LRRIQ3: variants seen among roughly 807,000 people sequenced by gnomAD.
LRRIQ3 encodes leucine rich repeats and IQ motif containing 3.
In LRRIQ3, 75 loss-of-function variants were observed where a neutral mutation model predicts 59.3. That is an observed-to-expected ratio of 1.26 (90% CI 1.05 to 1.53). LRRIQ3 has a LOEUF of 1.53. Among genes scored for constraint, LRRIQ3 ranks in the 40% most tolerant of loss-of-function variants. LRRIQ3 has a pLI of 0.00. For synonymous variants in LRRIQ3, 250 were observed against 231.3 expected (o/e 1.08, Z -0.73); for missense variants, 831 against 710.0 (o/e 1.17, Z -1.94).
intron 4 of LRRIQ3, among the ~76,000 whole-genome samples, chr1:74,120,056 T>G (rs527649124): frequency 6.6e-6 from 1 of 152,146 alleles, no homozygotes; most frequent in East Asian, 1.9e-4. Flanking sequence ...TATTTATATA[T>G]GTTCAGGTTT....
intron 4 of LRRIQ3, among the ~76,000 whole-genome samples, chr1:74,110,414 AC>A (rs1646679025): frequency 6.6e-6 from 1 of 152,046 alleles, no homozygotes; most frequent in African/African-American, 2.4e-5. Context: ...CACTACGTCA[AC>A]AAATTAGTGG....
intron 5 of LRRIQ3, among the ~76,000 whole-genome samples, chr1:74,090,336 T>A (rs577621267): frequency 4.3e-4 from 65 of 151,554 alleles, no homozygotes; most frequent in Non-Finnish European, 8.0e-4. Context: ...GTTTTTTTTT[T>A]AAAACTGAAG....
chr1:74,082,210 A>G (rs1272114780), intron 5 of LRRIQ3: 4 of 151,564 alleles, frequency 2.6e-5, no homozygotes, highest in Non-Finnish European at 5.9e-5. Flanking sequence ...TGAAAACAAG[A>G]AAAAAAGGCA....
At chr1:74,134,374 G>T (rs1177231865) in intron 4 of LRRIQ3, among the ~76,000 whole-genome samples, 1 of 151,920 alleles carries the variant, frequency 6.6e-6, no homozygotes, top group African/African-American at 2.4e-5. Context: ...CTACCTACAT[G>T]GTGCAAAGGT....
intron 7 of LRRIQ3, among the ~76,000 whole-genome samples, chr1:74,032,606 T>G (rs1372397650): frequency 6.6e-6 from 1 of 152,144 alleles, no homozygotes; most frequent in African/African-American, 2.4e-5. Context: ...CTTTTGTCTC[T>G]GTATTTGAAA....
At chr1:74,120,687 C>T (rs989349702) in intron 4 of LRRIQ3, among the ~76,000 whole-genome samples, 2 of 151,450 alleles carry the variant, frequency 1.3e-5, no homozygotes, top group African/African-American at 4.8e-5. Context: ...CTTGAAACTC[C>T]AAAACAATGT....
chr1:74,187,677 C>T (rs1051598099), intron 1 of LRRIQ3, among the ~76,000 whole-genome samples: 1 of 152,036 alleles, frequency 6.6e-6, no homozygotes, highest in East Asian at 1.9e-4. Flanking sequence ...TCTCAGAAAT[C>T]ATCACTAAAG....
intron 5 of LRRIQ3, among the ~76,000 whole-genome samples, chr1:74,093,917 C>T (rs756429407): frequency 3.2e-4 from 49 of 152,000 alleles, no homozygotes; most frequent in Non-Finnish European, 6.8e-4. Flanking sequence ...GTGAATGTCA[C>T]CTTATATATT....
chr1:74,085,788 T>A (rs1368562715), intron 5 of LRRIQ3, among the ~76,000 whole-genome samples: 2 of 151,960 alleles, frequency 1.3e-5, no homozygotes, highest in Admixed American at 6.6e-5. Context: ...GAGAAGGACA[T>A]ATAGTGATGC....
At position 74,129,765 on chromosome 1, in the gene LRRIQ3, T is replaced by A. The variant is rs192018897; in HGVS notation, c.708-20212A>T. 1.1e-4 allele frequency among the ~76,000 whole-genome samples: 16 copies of A among 152,086 alleles called. 1 individual carries two copies. The East Asian group carries it at 2.7e-3, about 26-fold the overall frequency. ...AGTACTGCCTGGGTACCACTGCTGA[T>A]TATTCAGTACCTAAGGGATCTTTAG... On this transcript the variant is annotated intron_variant, in intron 4 of 7. Transcript: ENST00000354431.
At chr1:74,180,743 T>A (rs1195738654) in intron 3 of LRRIQ3, 8 of 1,550,242 alleles carry the variant, frequency 5.2e-6, no homozygotes, top group Non-Finnish European at 7.0e-6. Context: ...ATTGGGTAAG[T>A]TCCTAAACCT....
At chr1:74,119,525 C>T (rs1248210234) in intron 4 of LRRIQ3, among the ~76,000 whole-genome samples, 1 of 152,082 alleles carries the variant, frequency 6.6e-6, no homozygotes, top group African/African-American at 2.4e-5. Context: ...TCCCCCACAA[C>T]AACGTTACAA....
chr1:74,068,089 T>C (rs1005202717), intron 6 of LRRIQ3, among the ~76,000 whole-genome samples: 1 of 152,076 alleles, frequency 6.6e-6, no homozygotes, highest in African/African-American at 2.4e-5. Flanking sequence ...AATTCTTTGC[T>C]ACTAAATAAC....
chr1:74,028,327 T>C (rs1356994957), intron 7 of LRRIQ3, among the ~76,000 whole-genome samples: 1 of 152,098 alleles, frequency 6.6e-6, no homozygotes, highest in Non-Finnish European at 1.5e-5. Context: ...TTAGACAAGA[T>C]ATTCATGTTC....
At chr1:74,094,715 G>A (rs1646430926) in intron 5 of LRRIQ3, among the ~76,000 whole-genome samples, 1 of 152,022 alleles carries the variant, frequency 6.6e-6, no homozygotes, top group South Asian at 2.1e-4. Context: ...CTAAAATTTG[G>A]GGATGCTATT....
intron 5 of LRRIQ3, among the ~76,000 whole-genome samples, chr1:74,087,016 G>T (rs1212493795): frequency 6.6e-6 from 1 of 151,980 alleles, no homozygotes; most frequent in Non-Finnish European, 1.5e-5. Context: ...CAATTAAATA[G>T]CAATCCTAAC....
intron 3 of LRRIQ3, among the ~76,000 whole-genome samples, chr1:74,171,912 G>A (rs1210180623): frequency 2.0e-5 from 3 of 152,012 alleles, no homozygotes; most frequent in Non-Finnish European, 4.4e-5. Flanking sequence ...CACTTTGTTG[G>A]AGTATGTTTT....
chr1:74,077,808 G>A (rs1371907603), intron 5 of LRRIQ3, among the ~76,000 whole-genome samples: 1 of 151,922 alleles, frequency 6.6e-6, no homozygotes, highest in African/African-American at 2.4e-5. Context: ...GGGCTTTTCT[G>A]TTATATGTAA....
At chr1:74,172,337 TTTTGA>T (rs1649376893) in intron 3 of LRRIQ3, among the ~76,000 whole-genome samples, 1 of 152,212 alleles carries the variant, frequency 6.6e-6, no homozygotes, top group South Asian at 2.1e-4. Context: ...TTATAATTTC[TTTTGA>T]TTTCTCTTTT....
Sources: allele counts gnomAD v4.1 joint callset (sites outside exome capture counted in the v4.1 genomes callset), GRCh38; gene constraint gnomAD v4.1.1; transcripts MANE v1.5; gene names NCBI Gene and HGNC (gene_info 2026-07-23, HGNC 2026-07-21).